The following ROBO1 variants were observed in gnomAD, a reference collection of about 807,000 sequenced individuals.
ROBO1 encodes roundabout guidance receptor 1, also known as roundabout homolog 1.
A neutral mutation model predicts 195.9 loss-of-function variants in ROBO1; 149 were observed. The ratio of observed to expected loss-of-function variants is 0.76; its 90% CI spans 0.67 to 0.87. ROBO1 has a LOEUF of 0.87. ROBO1 is among the 40% of genes least tolerant of loss of function. ROBO1 has a pLI of 0.00. For synonymous variants in ROBO1, 816 were observed against 733.2 expected, an observed-to-expected ratio of 1.11 and a Z score of -1.82; for missense variants, 1,933 against 2,068.3, an observed-to-expected ratio of 0.93 and a Z score of 1.27.
chr3:79,181,800 A>AGTCC (rs2081344376), intron 2 of ROBO1, among the ~76,000 whole-genome samples: 3 of 151,828 alleles, frequency 2.0e-5, no homozygotes, highest in African/African-American at 7.3e-5. Flanking sequence ...ACTGGTGGTG[A>AGTCC]CAGTAGTCCC....
chr3:78,943,929 G>C (rs1202881579), intron 3 of ROBO1, among the ~76,000 whole-genome samples: 1 of 152,010 alleles, frequency 6.6e-6, no homozygotes, highest in Non-Finnish European at 1.5e-5. Flanking sequence ...ATGAGTGATT[G>C]GTTAACTTTA....
intron 3 of ROBO1, among the ~76,000 whole-genome samples, chr3:79,026,587 A>C (rs1283211279): frequency 3.3e-5 from 5 of 152,182 alleles, no homozygotes; most frequent in African/African-American, 1.2e-4. Flanking sequence ...ACATGAAAAA[A>C]TATATTGTAC....
chr3:78,659,860 A>G, intron 16 of ROBO1, 53 bp from the exon 17 acceptor site: 4 of 1,483,636 alleles, frequency 2.7e-6, no homozygotes, highest in Non-Finnish European at 2.7e-6. Flanking sequence ...AGAACACTGA[A>G]AGCAGGTAAT....
chr3:79,389,356 G>C (rs540588101), intron 2 of ROBO1, among the ~76,000 whole-genome samples: 2 of 152,194 alleles, frequency 1.3e-5, no homozygotes, highest in East Asian at 3.9e-4. Context: ...AACTTCACTT[G>C]GTAGGTTTCT....
chr3:79,417,310 A>T lies in ROBO1; in HGVS notation c.88+172514T>A, dbSNP rs989125689. Among the ~76,000 whole-genome samples, 4 of 152,264 alleles carry T rather than the reference A, an allele frequency of 2.6e-5. No homozygotes were observed. The South Asian group carries it at 8.3e-4, about 32-fold the overall frequency. On this transcript the variant is annotated intron_variant, in intron 2 of 30. Transcript: ENST00000464233. ...TTGCAGCCTGTGGAGAGGCTCACAT[A>T]GCAAGAAACTGAGGGTTAGTCCACT...
At chr3:79,510,527 A>G (rs1940647391) in intron 2 of ROBO1, among the ~76,000 whole-genome samples, 3 of 149,946 alleles carry the variant, frequency 2.0e-5, no homozygotes, top group South Asian at 4.2e-4. Context: ...GTTGGAGTAC[A>G]TGGTTATTTT....
At chr3:79,474,276 G>T (rs1196212833) in intron 2 of ROBO1, among the ~76,000 whole-genome samples, 1 of 152,090 alleles carries the variant, frequency 6.6e-6, no homozygotes, top group Admixed American at 6.6e-5. Flanking sequence ...TATACCACAA[G>T]AAAAAGTTTA....
At chr3:78,700,978 T>C (rs1190765069) in intron 8 of ROBO1, among the ~76,000 whole-genome samples, 1 of 152,042 alleles carries the variant, frequency 6.6e-6, no homozygotes, top group East Asian at 1.9e-4. Context: ...TGGCCAGGCT[T>C]GTCTCGAACT....
chr3:79,151,909 G>A (rs1344151744), intron 2 of ROBO1, among the ~76,000 whole-genome samples: 1 of 151,742 alleles, frequency 6.6e-6, no homozygotes, highest in Non-Finnish European at 1.5e-5. Flanking sequence ...CCCTAACATT[G>A]ATATCTGATT....
At chr3:78,661,941 A>G (rs1295632338) in intron 15 of ROBO1, 52 bp downstream of exon 15, 1 of 1,576,254 alleles carries the variant, frequency 6.3e-7, no homozygotes, top group Admixed American at 1.8e-5. Flanking sequence ...ATGCATTGCA[A>G]TGATCTCGCA....
chr3:78,715,952 A>G (rs899839812), intron 7 of ROBO1, among the ~76,000 whole-genome samples: 12 of 152,150 alleles, frequency 7.9e-5, no homozygotes, highest in South Asian at 4.1e-4. Context: ...TTTCAACCTG[A>G]TATCTCATAA....
intron 2 of ROBO1, among the ~76,000 whole-genome samples, chr3:79,492,114 C>T (rs369941116): frequency 2.6e-5 from 4 of 152,050 alleles, no homozygotes; most frequent in African/African-American, 9.7e-5. Context: ...TGAATTAGGA[C>T]GTAGTTTTGC....
At chr3:79,563,580 T>G (rs2107718725) in intron 2 of ROBO1, among the ~76,000 whole-genome samples, 1 of 152,196 alleles carries the variant, frequency 6.6e-6, no homozygotes, top group East Asian at 1.9e-4. Context: ...TTATTAATAA[T>G]GTATGAAGGC....
intron 1 of ROBO1, among the ~76,000 whole-genome samples, chr3:79,752,630 T>G (rs1268079582): frequency 1.3e-5 from 2 of 152,162 alleles, no homozygotes; most frequent in South Asian, 2.1e-4. Context: ...AGCAAAAATT[T>G]TATTGAAAGA....
At chr3:78,680,063 C>G (rs1050379719) in intron 10 of ROBO1, among the ~76,000 whole-genome samples, 39 of 152,124 alleles carry the variant, frequency 2.6e-4, no homozygotes, top group African/African-American at 5.8e-4. Flanking sequence ...ACAAACCTGA[C>G]AAAAACAAGC....
At chr3:78,762,365 A>G (rs1306671298) in intron 4 of ROBO1, among the ~76,000 whole-genome samples, 1 of 152,052 alleles carries the variant, frequency 6.6e-6, no homozygotes. Flanking sequence ...CCCTTGACCT[A>G]AATACTAAAA....
At chr3:78,601,749 C>T (rs1319328433) in intron 29 of ROBO1, among the ~76,000 whole-genome samples, 1 of 152,142 alleles carries the variant, frequency 6.6e-6, no homozygotes, top group Non-Finnish European at 1.5e-5. Flanking sequence ...CCACTGAAAT[C>T]TATTTATGCC....
At chr3:79,088,493 A>G (rs1209406124) in intron 3 of ROBO1, among the ~76,000 whole-genome samples, 1 of 152,154 alleles carries the variant, frequency 6.6e-6, no homozygotes, top group Non-Finnish European at 1.5e-5. Flanking sequence ...TTTAAATTGT[A>G]TATACCGGAT....
At chr3:78,976,675 C>T (rs950985669) in intron 3 of ROBO1, among the ~76,000 whole-genome samples, 1 of 152,160 alleles carries the variant, frequency 6.6e-6, no homozygotes, top group Non-Finnish European at 1.5e-5. Flanking sequence ...GTATTTTCAT[C>T]AGTAACTAAC....
Sources: allele counts gnomAD v4.1 joint callset (sites outside exome capture counted in the v4.1 genomes callset), GRCh38; gene constraint gnomAD v4.1.1; transcripts MANE v1.5; gene names NCBI Gene and HGNC (gene_info 2026-07-23, HGNC 2026-07-21).